Variants in ELAVL2 observed in about 807,000 individuals in gnomAD.
ELAVL2 encodes the protein ELAV-like protein 2.
In ELAVL2, 4 loss-of-function variants were observed where a neutral mutation model predicts 34.6. That is an observed-to-expected ratio of 0.12 (90% CI 0.06 to 0.26). ELAVL2 has a LOEUF of 0.26. Ranked by LOEUF, ELAVL2 falls within the 10% of genes least tolerant of loss-of-function variation. The pLI is 1.00. For missense variants in ELAVL2, 432 were observed against 442.8 expected, an observed-to-expected ratio of 0.98 and a Z score of 0.22; for synonymous variants, 193 against 154.8, an observed-to-expected ratio of 1.25 and a Z score of -1.83.
At chr9:23,832,841 G>A in the ELAVL2 span, among the ~76,000 whole-genome samples, 143 of 152,176 alleles carry the variant, frequency 9.4e-4, no homozygotes, top group Non-Finnish European at 1.6e-3. Context: ...AATAAAAAAT[G>A]AACTTGTTGG....
chr9:23,742,052 A>C (rs1393097723), intron 2 of ELAVL2, among the ~76,000 whole-genome samples: 2 of 152,194 alleles, frequency 1.3e-5, no homozygotes, highest in East Asian at 3.9e-4. Flanking sequence ...CCTTTGTAAA[A>C]GTAACTAGAA....
At chr9:23,781,527 T>TC (rs2059061809) in intron 1 of ELAVL2, among the ~76,000 whole-genome samples, 1 of 151,080 alleles carries the variant, frequency 6.6e-6, no homozygotes, top group Non-Finnish European at 1.5e-5. Flanking sequence ...CCTTTTTTTT[T>TC]TTTTTTTGAA....
At chr9:23,711,259 C>A (rs2040868092) in intron 3 of ELAVL2, among the ~76,000 whole-genome samples, 1 of 152,076 alleles carries the variant, frequency 6.6e-6, no homozygotes, top group Non-Finnish European at 1.5e-5. Flanking sequence ...ATTTAGAAAA[C>A]TATCAGTGGA....
intron 5 of ELAVL2, among the ~76,000 whole-genome samples, chr9:23,694,602 C>G (rs769629649): frequency 1.3e-5 from 2 of 152,202 alleles, no homozygotes; most frequent in Non-Finnish European, 2.9e-5. Flanking sequence ...TGAAAAGTCT[C>G]AGCCTTATCA....
chr9:23,836,431 T>C, the ELAVL2 span, among the ~76,000 whole-genome samples: 4 of 152,178 alleles, frequency 2.6e-5, no homozygotes, highest in Non-Finnish European at 4.4e-5. Context: ...TCAGTGCTTA[T>C]TATTTAACTT....
chr9:23,742,658 AAAG>A (rs2049528004), intron 2 of ELAVL2, among the ~76,000 whole-genome samples: 1 of 152,184 alleles, frequency 6.6e-6, no homozygotes, highest in African/African-American at 2.4e-5. Flanking sequence ...TTTATATCAA[AAAG>A]AAAGAGCAGA....
At chr9:23,805,857 T>A (rs926891580) in intron 1 of ELAVL2, among the ~76,000 whole-genome samples, 1 of 152,180 alleles carries the variant, frequency 6.6e-6, no homozygotes, top group Admixed American at 6.5e-5. Flanking sequence ...GCAGCCAATA[T>A]CTTTTCAATA....
intron 1 of ELAVL2, among the ~76,000 whole-genome samples, chr9:23,793,954 G>T (rs1031289197): frequency 6.6e-6 from 1 of 152,170 alleles, no homozygotes; most frequent in African/African-American, 2.4e-5. Context: ...AACTTAGCAT[G>T]CACTATATCA....
chr9:23,734,034 C>G (rs1447415990), intron 2 of ELAVL2, among the ~76,000 whole-genome samples: 1 of 152,138 alleles, frequency 6.6e-6, no homozygotes, highest in Non-Finnish European at 1.5e-5. Context: ...GGATGAGTGC[C>G]ACTCAGAATA....
At chr9:23,820,208 G>C (rs1027341708) in intron 1 of ELAVL2, among the ~76,000 whole-genome samples, 1 of 152,200 alleles carries the variant, frequency 6.6e-6, no homozygotes, top group East Asian at 1.9e-4. Context: ...TTTTACTTGA[G>C]GGAATGGGGA....
At chr9:23,776,493 G>A (rs1013737277) in intron 1 of ELAVL2, among the ~76,000 whole-genome samples, 1 of 152,080 alleles carries the variant, frequency 6.6e-6, no homozygotes, top group Non-Finnish European at 1.5e-5. Flanking sequence ...GAGGAGTAAA[G>A]AAACTCCCCA....
chr9:23,743,024 C>A (rs185122524), intron 2 of ELAVL2, among the ~76,000 whole-genome samples: 200 of 152,180 alleles, frequency 1.3e-3, no homozygotes, highest in African/African-American at 4.7e-3. Context: ...CTCAAGAACA[C>A]TCTCTCTGAA....
At chr9:23,738,313 A>G (rs942355043) in intron 2 of ELAVL2, among the ~76,000 whole-genome samples, 1 of 152,188 alleles carries the variant, frequency 6.6e-6, no homozygotes, top group Non-Finnish European at 1.5e-5. Context: ...TTAATTCCTG[A>G]CTTAGCCTGA....
chr9:23,806,298 T>C (rs1208579694), intron 1 of ELAVL2, among the ~76,000 whole-genome samples: 1 of 152,124 alleles, frequency 6.6e-6, no homozygotes, highest in Non-Finnish European at 1.5e-5. Flanking sequence ...TCAGCATATA[T>C]AATTTTAATC....
intron 1 of ELAVL2, among the ~76,000 whole-genome samples, chr9:23,784,912 A>G (rs1013868212): frequency 1.3e-5 from 2 of 152,360 alleles, no homozygotes; most frequent in South Asian, 4.1e-4. Context: ...ACATTGTGGG[A>G]AAAATCTTAT....
chr9:23,704,769 TG>T, intron 4 of ELAVL2, 148 bp downstream of exon 4: 1 of 997,614 alleles, frequency 1.0e-6, no homozygotes, highest in Non-Finnish European at 1.5e-6. Flanking sequence ...TGCATATTTA[TG>T]AACAATTCCA....
intron 3 of ELAVL2, among the ~76,000 whole-genome samples, chr9:23,727,130 T>C (rs1286739384): frequency 6.6e-6 from 1 of 152,108 alleles, no homozygotes; most frequent in Non-Finnish European, 1.5e-5. Flanking sequence ...GGGGATACTG[T>C]GGGCAGGCTT....
Position 23,803,959 on chromosome 9 carries a change from C to CA in ELAVL2, c.-16+21846dup, listed in dbSNP as rs562041101. Among the ~76,000 whole-genome samples, 186 of 152,246 alleles carry CA rather than the reference C, an allele frequency of 1.2e-3. 1 individual carries two copies. Among genetic ancestry groups the CA allele is most frequent in the Middle Eastern group, 3.4e-3 (1 of 294 alleles). The stretch of plus-strand genomic sequence containing the variant: ...TTTCTGAGCACCCAACGACCATGCA[C>CA]AACGCTCAGCTCAAGGCAGGCACTG... On this transcript the variant is annotated intron_variant, in intron 1 of 6. Transcript: ENST00000397312.
At chr9:23,836,661 ATG>A in the ELAVL2 span, among the ~76,000 whole-genome samples, 3 of 151,262 alleles carry the variant, frequency 2.0e-5, no homozygotes, top group East Asian at 1.9e-4. Flanking sequence ...GTGTGCATGC[ATG>A]TGTGTGTGTG....
Sources: gnomAD v4.1 joint callset for allele counts (sites outside exome capture counted in the v4.1 genomes callset) on GRCh38, gnomAD v4.1.1 for gene constraint, MANE v1.5 for transcripts, NCBI Gene and HGNC (gene_info 2026-07-23, HGNC 2026-07-21) for gene names.